The following CDK7 variants were observed in gnomAD, a reference collection of about 807,000 sequenced individuals.
CDK7 encodes cyclin dependent kinase 7, also known as cyclin-dependent kinase 7.
Under a neutral mutation model 49.1 loss-of-function variants are expected in CDK7, and 25 were observed. The ratio of observed to expected loss-of-function variants is 0.51; its 90% CI spans 0.37 to 0.71. The LOEUF (loss-of-function observed/expected upper bound fraction) is 0.71, where lower values mean the gene tolerates loss of function less well. CDK7 is among the 30% of genes least tolerant of loss of function. CDK7 has a pLI of 0.00. For missense variants in CDK7, 316 were observed against 411.7 expected, an observed-to-expected ratio of 0.77 and a Z score of 2.01; for synonymous variants, 107 against 140.0, an observed-to-expected ratio of 0.76 and a Z score of 1.67.
At position 69,259,995 on chromosome 5, in the gene CDK7, C is replaced by A; in HGVS notation, c.527+59C>A. On this transcript the variant is annotated intron_variant, in intron 7 of 11. Transcript: ENST00000256443. ...TTGATCAGAAATGAGCATCAACTGG[C>A]TTCTCTGAACTATCTTGGCAGAGTT... 26 of 990,170 alleles carry A rather than the reference C, an allele frequency of 2.6e-5. No homozygotes were observed. In the South Asian group the frequency reaches 3.2e-4, roughly 12 times the overall value. 61.3% of individuals were successfully genotyped at this position (990,170 alleles called of 1,614,324 possible). A position where few individuals can be genotyped will look rare whatever the true frequency, so the allele number is the denominator to read the frequency against.
chr5:69,254,385 G>A (rs1390360654), intron 3 of CDK7, among the ~76,000 whole-genome samples: 5 of 151,952 alleles, frequency 3.3e-5, no homozygotes, highest in Admixed American at 3.3e-4. Flanking sequence ...AGCCGGGCGT[G>A]GTGGCGCGTG....
chr5:69,267,292 CTTTTTTTTTTT>C (rs71612523), intron 8 of CDK7, among the ~76,000 whole-genome samples: 2,531 of 91,102 alleles, frequency 0.028, 79 homozygotes, highest in African/African-American at 0.096. Flanking sequence ...ATAAGGATTC[CTTTTTTTTTTT>C]TTTTTTTTTT....
chr5:69,258,179 A>G (rs1265400218), intron 6 of CDK7, 26 bp downstream of exon 6: 1 of 1,090,210 alleles, frequency 9.2e-7, no homozygotes, highest in Non-Finnish European at 1.3e-6. Context: ...TTGCTTCTTT[A>G]TACTAGTCAA....
intron 6 of CDK7, among the ~76,000 whole-genome samples, chr5:69,259,055 G>A (rs374267576): frequency 1.3e-5 from 2 of 150,792 alleles, no homozygotes; most frequent in South Asian, 2.1e-4. Context: ...TAGTCTGGGT[G>A]ACAGAGTGAA....
At chr5:69,275,159 A>T in intron 10 of CDK7, among the ~76,000 whole-genome samples, 1 of 152,202 alleles carries the variant, frequency 6.6e-6, no homozygotes, top group South Asian at 2.1e-4. Context: ...AAGAAAATGT[A>T]TTGTATCTAC....
chr5:69,258,650 G>A (rs1750637552), intron 6 of CDK7, among the ~76,000 whole-genome samples: 1 of 152,088 alleles, frequency 6.6e-6, no homozygotes, highest in Admixed American at 6.6e-5. Context: ...CCAAAGTGCT[G>A]GGATTACAGG....
intron 1 of CDK7, 50 bp from the exon 2 acceptor site, chr5:69,235,344 C>G (rs927993473): frequency 7.4e-7 from 1 of 1,358,826 alleles, no homozygotes; most frequent in South Asian, 1.2e-5. Flanking sequence ...TGCAAAAAGG[C>G]AAACACAAAA....
At chr5:69,260,536 ATTC>A (rs1750749744) in intron 7 of CDK7, among the ~76,000 whole-genome samples, 2 of 152,330 alleles carry the variant, frequency 1.3e-5, no homozygotes, top group South Asian at 2.1e-4. Flanking sequence ...TTCAGTGGAT[ATTC>A]TTCTACCTAA....
At chr5:69,253,590 A>G (rs896745622) in intron 3 of CDK7, among the ~76,000 whole-genome samples, 1 of 152,118 alleles carries the variant, frequency 6.6e-6, no homozygotes, top group African/African-American at 2.4e-5. Flanking sequence ...GAAATCTGTC[A>G]TTTGTATTGG....
chr5:69,254,521 CA>C (rs35239844), intron 3 of CDK7, 80 bp from the exon 4 acceptor site: 41,337 of 470,464 alleles, frequency 0.088, no homozygotes, highest in Middle Eastern at 0.11. Flanking sequence ...GACTCCATCT[CA>C]AAAAAAAAAA....
Position 69,259,807 on chromosome 5 carries a change from C to G in CDK7, c.409-11C>G. On this transcript the variant is annotated splice_polypyrimidine_tract_variant and intron_variant, in intron 6 of 11. Transcript: ENST00000256443. ...CTGCTTATTTGTTTGTTTAAAACTTCCGTCATATAGGATCTGAAACCAAAC... is the reference window on the plus strand; with the variant it reads ...CTGCTTATTTGTTTGTTTAAAACTTGCGTCATATAGGATCTGAAACCAAAC... 1 of 1,578,330 alleles carries G rather than the reference C, an allele frequency of 6.3e-7. No homozygotes were observed. Among genetic ancestry groups the G allele is most frequent in the Non-Finnish European group, 8.7e-7 (1 of 1,147,686 alleles).
Position 69,243,833 on chromosome 5 carries a change from T to TTG in CDK7, c.126+8381_126+8382insGT, listed in dbSNP as rs1749544524. Reference sequence around the variant, plus strand: ...CTTTCACCAATGATAGTTGTTTTTTTTTTTTTTTTTTTTTTTTGAGATGGA... The same window carrying TTG: ...CTTTCACCAATGATAGTTGTTTTTTTTGTTTTTTTTTTTTTTTTTGAGATGGA... On this transcript the variant is annotated intron_variant, in intron 2 of 11. Transcript: ENST00000256443. Among the ~76,000 whole-genome samples, 7 of 128,256 alleles carry TTG rather than the reference T, an allele frequency of 5.5e-5. No individual in the cohort carries two copies. In the South Asian group the frequency reaches 1.8e-3, roughly 33 times the overall value. The allele number at this position is 128,256 out of a possible 152,430, so 84.1% of individuals were successfully genotyped here. A position where few individuals can be genotyped will look rare whatever the true frequency, so the allele number is the denominator to read the frequency against.
chr5:69,272,842 A>G (rs1326875370), intron 9 of CDK7, 50 bp from the exon 10 acceptor site: 6 of 1,197,104 alleles, frequency 5.0e-6, no homozygotes, highest in South Asian at 2.0e-5. Flanking sequence ...TTCATTTGCA[A>G]TCTATATGCC....
intron 9 of CDK7, among the ~76,000 whole-genome samples, chr5:69,271,274 C>A (rs1017482041): frequency 2.4e-4 from 37 of 152,206 alleles, no homozygotes; most frequent in South Asian, 8.3e-4. Context: ...AATGTCTCTT[C>A]CCCATTTTCT....
chr5:69,261,490 CTGTGTGTG>C (rs1168767153), intron 7 of CDK7, among the ~76,000 whole-genome samples: 8 of 139,642 alleles, frequency 5.7e-5, no homozygotes, highest in African/African-American at 1.1e-4. Flanking sequence ...AAAAGGTTCT[CTGTGTGTG>C]TGTGTGTGTG....
chr5:69,268,383 G>C (rs1289412854), intron 8 of CDK7, among the ~76,000 whole-genome samples: 1 of 152,208 alleles, frequency 6.6e-6, no homozygotes, highest in African/African-American at 2.4e-5. Context: ...TATATGGGAA[G>C]TGTTTATTAA....
intron 8 of CDK7, 136 bp downstream of exon 8, chr5:69,262,440 A>G: frequency 2.2e-5 from 24 of 1,102,206 alleles, no homozygotes; most frequent in Non-Finnish European, 3.0e-5. Flanking sequence ...AGGCCGAGGC[A>G]GGTGGATCAC....
chr5:69,243,279 G>A (rs1749506532), intron 2 of CDK7, among the ~76,000 whole-genome samples: 1 of 152,186 alleles, frequency 6.6e-6, no homozygotes, highest in African/African-American at 2.4e-5. Flanking sequence ...ACCAGGAAGA[G>A]AAGAAAGACT....
At chr5:69,245,302 TC>T (rs56318752) in intron 2 of CDK7, among the ~76,000 whole-genome samples, 2 of 30,234 alleles carry the variant, frequency 6.6e-5, no homozygotes, top group Admixed American at 3.4e-4. Context: ...CCCTTCCCCC[TC>T]CCCTTCCCCC....
Sources: allele counts gnomAD v4.1 joint callset (sites outside exome capture counted in the v4.1 genomes callset), GRCh38; gene constraint gnomAD v4.1.1; transcripts MANE v1.5; gene names NCBI Gene and HGNC (gene_info 2026-07-23, HGNC 2026-07-21).